GRM1: variants seen among roughly 807,000 people sequenced by gnomAD.
The protein encoded by GRM1 is metabotropic glutamate receptor 1.
Under a neutral mutation model 90.9 loss-of-function variants are expected in GRM1, and 33 were observed. The observed-to-expected ratio is 0.36, with a 90% CI of 0.28 to 0.49. The LOEUF is 0.49. Ranked by LOEUF, GRM1 falls within the 20% of genes least tolerant of loss-of-function variation. GRM1 has a pLI of 0.99. For missense variants in GRM1, 1,190 were observed against 1,534.3 expected, an observed-to-expected ratio of 0.78 and a Z score of 3.75; for synonymous variants, 700 against 613.2, an observed-to-expected ratio of 1.14 and a Z score of -2.09.
chr6:146,404,256 TAATC>T (rs1173529788), intron 7 of GRM1, among the ~76,000 whole-genome samples: 2 of 152,142 alleles, frequency 1.3e-5, no homozygotes, highest in African/African-American at 4.8e-5. Flanking sequence ...TTCATTTATG[TAATC>T]AATCATTGTT....
At chr6:146,112,945 T>C (rs764942894) in intron 1 of GRM1, among the ~76,000 whole-genome samples, 6 of 152,192 alleles carry the variant, frequency 3.9e-5, no homozygotes, top group Non-Finnish European at 8.8e-5. Context: ...AAACAATCAA[T>C]AGACAGGGTA....
intron 3 of GRM1, among the ~76,000 whole-genome samples, chr6:146,322,328 C>T (rs931711130): frequency 6.6e-6 from 1 of 152,132 alleles, no homozygotes; most frequent in Non-Finnish European, 1.5e-5. Flanking sequence ...CTATGGCTGT[C>T]GACCCCTGCT....
At chr6:146,133,773 A>G (rs1348945441) in intron 1 of GRM1, among the ~76,000 whole-genome samples, 1 of 152,202 alleles carries the variant, frequency 6.6e-6, no homozygotes, top group Non-Finnish European at 1.5e-5. Flanking sequence ...TGGCAACATG[A>G]CGCCTCAGCT....
At chr6:146,179,188 C>T (rs557955048) in intron 2 of GRM1, among the ~76,000 whole-genome samples, 1 of 152,286 alleles carries the variant, frequency 6.6e-6, no homozygotes, top group South Asian at 2.1e-4. Context: ...CATGTGTTCT[C>T]AGGACTAACA....
At chr6:146,339,497 C>G (rs1784894337) in intron 3 of GRM1, among the ~76,000 whole-genome samples, 1 of 152,086 alleles carries the variant, frequency 6.6e-6, no homozygotes, top group Non-Finnish European at 1.5e-5. Context: ...AGCTTTTATT[C>G]AATAATCTTG....
intron 2 of GRM1, among the ~76,000 whole-genome samples, chr6:146,260,348 T>C (rs1469751995): frequency 6.6e-6 from 1 of 152,182 alleles, no homozygotes; most frequent in African/African-American, 2.4e-5. Flanking sequence ...TTTTTATGGC[T>C]CCATAATATT....
At chr6:146,251,694 T>C (rs1781284132) in intron 2 of GRM1, among the ~76,000 whole-genome samples, 1 of 152,192 alleles carries the variant, frequency 6.6e-6, no homozygotes, top group Non-Finnish European at 1.5e-5. Flanking sequence ...GATTTGTGAG[T>C]ATGATCCTCA....
In GRM1 at chr6:146,247,771, ATG is replaced by A. The variant is rs60346529; in HGVS notation, c.951-56833_951-56832del. Among the ~76,000 whole-genome samples the A allele has an allele frequency of 8.8e-3, 1,221 of 139,458 alleles. 13 individuals carry two copies. The highest frequency in any genetic ancestry group is 0.035 in the African/African-American group (1,170 of 33,658). The allele number at this position is 139,458 out of a possible 152,430, so 91.5% of individuals were successfully genotyped here. ...ATCTCAAAAAAAAAAAAAAAAGGAA[ATG>A]TGTGTGGTGTGTGTGTGTGTGTGTG... On this transcript the variant is annotated intron_variant, in intron 2 of 7. Transcript: ENST00000282753.
chr6:146,257,796 A>G (rs976769301), intron 2 of GRM1, among the ~76,000 whole-genome samples: 1 of 151,874 alleles, frequency 6.6e-6, no homozygotes, highest in Non-Finnish European at 1.5e-5. Context: ...ATGCCTACCC[A>G]CATTGGGGAG....
intron 2 of GRM1, among the ~76,000 whole-genome samples, chr6:146,190,856 G>T (rs775660229): frequency 1.4e-4 from 22 of 151,948 alleles, no homozygotes; most frequent in Non-Finnish European, 2.5e-4. Context: ...ATTCCCACTT[G>T]TTCTTCACAT....
At chr6:146,037,099 C>G (rs1439702549) in intron 1 of GRM1, among the ~76,000 whole-genome samples, 2 of 151,882 alleles carry the variant, frequency 1.3e-5, no homozygotes, top group Admixed American at 6.6e-5. Context: ...ATTATAATCA[C>G]TACCATGTTA....
At chr6:146,274,886 C>G (rs901805336) in intron 2 of GRM1, among the ~76,000 whole-genome samples, 1 of 152,000 alleles carries the variant, frequency 6.6e-6, no homozygotes, top group East Asian at 1.9e-4. Context: ...AAAAATTAGC[C>G]GGGCTTGATG....
intron 2 of GRM1, among the ~76,000 whole-genome samples, chr6:146,184,090 C>A (rs981292438): frequency 6.6e-6 from 1 of 152,126 alleles, no homozygotes; most frequent in African/African-American, 2.4e-5. Context: ...TGGGTCACCT[C>A]GGACATATAA....
intron 4 of GRM1, among the ~76,000 whole-genome samples, chr6:146,355,305 A>G (rs1222452672): frequency 6.6e-6 from 1 of 152,214 alleles, no homozygotes; most frequent in East Asian, 1.9e-4. Context: ...CCAGCAGCCC[A>G]CAGTTAATTC....
chr6:146,289,618 A>G (rs1268030713), intron 2 of GRM1, among the ~76,000 whole-genome samples: 1 of 152,122 alleles, frequency 6.6e-6, no homozygotes, highest in Non-Finnish European at 1.5e-5. Context: ...CTCACCACTC[A>G]CTCATTGTCT....
At chr6:146,204,691 A>C (rs1562527765) in intron 2 of GRM1, among the ~76,000 whole-genome samples, 1 of 152,234 alleles carries the variant, frequency 6.6e-6, no homozygotes, top group African/African-American at 2.4e-5. Context: ...TAAATAAAAT[A>C]CTGCCAAAAA....
At chr6:146,211,024 G>A (rs531068046) in intron 2 of GRM1, among the ~76,000 whole-genome samples, 1 of 151,870 alleles carries the variant, frequency 6.6e-6, no homozygotes, top group South Asian at 2.1e-4. Context: ...CTCAATATAA[G>A]GAAATTATGA....
At chr6:146,239,963 C>T (rs2114728435) in intron 2 of GRM1, among the ~76,000 whole-genome samples, 1 of 152,210 alleles carries the variant, frequency 6.6e-6, no homozygotes, top group South Asian at 2.1e-4. Context: ...TCTTGGGTCA[C>T]CTGCCTATCA....
rs764826100 is a variant in GRM1, at chr6:146,304,779, A to G, written c.1119A>G (p.Gln373=). The G allele has an allele frequency of 6.2e-7, 1 of 1,614,092 alleles. No individual in the cohort carries two copies. Among genetic ancestry groups the G allele is most frequent in the East Asian group, 2.2e-5 (1 of 44,878 alleles). Reference sequence around the variant, plus strand: ...ATCCCTGGTTCCCTGAGTTCTGGCAACATCGGTTCCAGTGCCGCCTTCCAG... The same window carrying G: ...ATCCCTGGTTCCCTGAGTTCTGGCAGCATCGGTTCCAGTGCCGCCTTCCAG... The part of the protein sequence containing the change: ...TRNPWFPEFW[Q]HRFQCRLPGH... The change falls in exon 3 of 8, where the codon CAA becomes CAG. Residue 373 remains glutamine (Q), a synonymous_variant. Coordinates refer to ENST00000282753, the MANE Select transcript of GRM1 (RefSeq NM_001278064.2).
Sources: allele counts gnomAD v4.1 joint callset (sites outside exome capture counted in the v4.1 genomes callset), GRCh38; gene constraint gnomAD v4.1.1; transcripts MANE v1.5; gene names NCBI Gene and HGNC (gene_info 2026-07-23, HGNC 2026-07-21).